DCLK1: variants seen among roughly 807,000 people sequenced by gnomAD.
DCLK1 encodes the protein doublecortin like kinase 1, also known as serine/threonine-protein kinase DCLK1.
In DCLK1, 16 loss-of-function variants were observed where a neutral mutation model predicts 86.2. The ratio of observed to expected loss-of-function variants is 0.19; its 90% CI spans 0.13 to 0.28. The LOEUF (loss-of-function observed/expected upper bound fraction) is 0.28, where lower values mean the gene tolerates loss of function less well. Ranked by LOEUF, DCLK1 falls within the 10% of genes least tolerant of loss-of-function variation. DCLK1 has a pLI of 1.00. For synonymous variants in DCLK1, 369 were observed against 370.5 expected, an observed-to-expected ratio of 1.00 and a Z score of 0.05; for missense variants, 590 against 940.2, an observed-to-expected ratio of 0.63 and a Z score of 4.87.
chr13:36,120,660 A>G (rs1188360188), intron 2 of DCLK1, among the ~76,000 whole-genome samples: 1 of 113,622 alleles, frequency 8.8e-6, no homozygotes, highest in Non-Finnish European at 1.8e-5. Flanking sequence ...AAGAAAAAAA[A>G]TTCTACAAGT....
intron 3 of DCLK1, among the ~76,000 whole-genome samples, chr13:35,978,059 G>A (rs908596262): frequency 6.6e-6 from 1 of 152,084 alleles, no homozygotes; most frequent in Middle Eastern, 3.4e-3. Flanking sequence ...TATTACTAAC[G>A]ATCCATTACA....
chr13:36,055,410 C>T lies in DCLK1; in HGVS notation c.723+56459G>A, dbSNP rs373216781. Among the ~76,000 whole-genome samples, 29 of 152,146 alleles carry T rather than the reference C, an allele frequency of 1.9e-4. No homozygotes were observed. In the East Asian group the frequency reaches 2.5e-3, roughly 13 times the overall value. ...ACCGGCAAGAGAAAATGAACTGTCT[C>T]GTGCTGACTATTCCTAACCAGCTGG... On this transcript the variant is annotated intron_variant, in intron 3 of 16. Transcript: ENST00000360631.
chr13:36,110,923 C>T (rs9805849), intron 3 of DCLK1, among the ~76,000 whole-genome samples: 7,027 of 150,944 alleles, frequency 0.047, 410 homozygotes, highest in African/African-American at 0.14. Flanking sequence ...CTCCGCCTCC[C>T]GGGTTCACGC....
At chr13:35,994,125 C>A (rs1566637089) in intron 3 of DCLK1, among the ~76,000 whole-genome samples, 3 of 148,728 alleles carry the variant, frequency 2.0e-5, no homozygotes, top group Admixed American at 6.7e-5. Flanking sequence ...AAAAAAAAAT[C>A]TAACATTTAG....
intron 16 of DCLK1, among the ~76,000 whole-genome samples, chr13:35,781,772 C>T (rs2086529814): frequency 6.6e-6 from 1 of 152,184 alleles, no homozygotes; most frequent in Non-Finnish European, 1.5e-5. Flanking sequence ...GATGCAGCTG[C>T]TGGGACATTA....
chr13:36,121,259 C>T (rs1469660438), intron 2 of DCLK1, among the ~76,000 whole-genome samples: 2 of 152,138 alleles, frequency 1.3e-5, no homozygotes, highest in African/African-American at 4.8e-5. Flanking sequence ...AAGCAAGGTG[C>T]AGAACTGTTG....
chr13:35,920,441 T>C (rs1052465644), intron 4 of DCLK1, among the ~76,000 whole-genome samples: 1 of 152,198 alleles, frequency 6.6e-6, no homozygotes, highest in African/African-American at 2.4e-5. Flanking sequence ...AAGTGTAAAA[T>C]GAATAGCAAA....
intron 3 of DCLK1, among the ~76,000 whole-genome samples, chr13:36,025,699 C>T (rs1393281451): frequency 6.6e-6 from 1 of 152,032 alleles, no homozygotes; most frequent in Non-Finnish European, 1.5e-5. Flanking sequence ...AAGTGTAAGG[C>T]AATTTTGTGA....
At chr13:36,057,969 G>T (rs1440884341) in intron 3 of DCLK1, among the ~76,000 whole-genome samples, 3 of 152,126 alleles carry the variant, frequency 2.0e-5, no homozygotes, top group Admixed American at 2.0e-4. Flanking sequence ...GGGGGGATAA[G>T]ACAAGTTGTA....
chr13:35,805,866 C>T (rs572391905), intron 14 of DCLK1, 87 bp from the exon 15 acceptor site: 35 of 1,205,686 alleles, frequency 2.9e-5, no homozygotes, highest in Admixed American at 2.2e-4. Flanking sequence ...CTTTTAGTTT[C>T]GAAAAGCATT....
At chr13:35,938,104 GGA>G (rs1593749895) in intron 4 of DCLK1, among the ~76,000 whole-genome samples, 1 of 152,132 alleles carries the variant, frequency 6.6e-6, no homozygotes, top group Non-Finnish European at 1.5e-5. Context: ...TTCATTTTTT[GGA>G]AAGTTGAGGA....
At chr13:36,025,660 C>T (rs1350711851) in intron 3 of DCLK1, among the ~76,000 whole-genome samples, 1 of 151,930 alleles carries the variant, frequency 6.6e-6, no homozygotes, top group Non-Finnish European at 1.5e-5. Flanking sequence ...TTGTATAGGC[C>T]CATTTATAGG....
At chr13:36,008,139 AT>A (rs777909367) in intron 3 of DCLK1, among the ~76,000 whole-genome samples, 1,572 of 102,150 alleles carry the variant, frequency 0.015, 55 homozygotes, top group African/African-American at 0.038. Flanking sequence ...TCTCTCTAAA[AT>A]TTTTTTTTTT....
At chr13:35,830,304 T>C (rs943224689) in intron 8 of DCLK1, among the ~76,000 whole-genome samples, 2 of 152,038 alleles carry the variant, frequency 1.3e-5, no homozygotes, top group Admixed American at 6.5e-5. Context: ...GGCAGGAAGA[T>C]TGCTTGAGCC....
intron 3 of DCLK1, among the ~76,000 whole-genome samples, chr13:36,102,429 G>A (rs1183073437): frequency 6.6e-6 from 1 of 152,168 alleles, no homozygotes; most frequent in Non-Finnish European, 1.5e-5. Flanking sequence ...TTAACAAATT[G>A]TAAGCATCTA....
intron 3 of DCLK1, among the ~76,000 whole-genome samples, chr13:36,004,468 G>A (rs1272148205): frequency 6.6e-6 from 1 of 151,806 alleles, no homozygotes; most frequent in Non-Finnish European, 1.5e-5. Flanking sequence ...CTGGGGTGGG[G>A]GAAAAGAAAT....
At chr13:35,856,152 G>A (rs951756747) in intron 5 of DCLK1, among the ~76,000 whole-genome samples, 1 of 152,284 alleles carries the variant, frequency 6.6e-6, no homozygotes, top group African/African-American at 2.4e-5. Flanking sequence ...CCTAAAAATA[G>A]AAACCTAAAA....
At chr13:35,907,841 TA>T (rs35873614) in intron 4 of DCLK1, among the ~76,000 whole-genome samples, 4,461 of 140,666 alleles carry the variant, frequency 0.032, 210 homozygotes, top group African/African-American at 0.11. Context: ...GAAAAAACTT[TA>T]AAAAAAAAAA....
intron 8 of DCLK1, among the ~76,000 whole-genome samples, chr13:35,834,811 A>C (rs1869236450): frequency 6.6e-6 from 1 of 152,180 alleles, no homozygotes; most frequent in Non-Finnish European, 1.5e-5. Context: ...GTGGCTGCTC[A>C]GCTGGGTCTC....
Sources: allele counts gnomAD v4.1 joint callset (sites outside exome capture counted in the v4.1 genomes callset), GRCh38; gene constraint gnomAD v4.1.1; transcripts MANE v1.5; gene names NCBI Gene and HGNC (gene_info 2026-07-23, HGNC 2026-07-21).